PPP6R2: variants seen among roughly 807,000 people sequenced by gnomAD.
The protein encoded by PPP6R2 is serine/threonine-protein phosphatase 6 regulatory subunit 2.
Under a neutral mutation model 100.2 loss-of-function variants are expected in PPP6R2, and 62 were observed. The observed-to-expected ratio is 0.62, with a 90% CI of 0.50 to 0.76. PPP6R2 has a LOEUF of 0.76. PPP6R2 is among the 30% of genes least tolerant of loss of function. The probability of loss-of-function intolerance (pLI) is 0.00; values close to 1 mark genes in which losing one functional copy is unlikely to be tolerated. For synonymous variants in PPP6R2, 525 were observed against 514.7 expected (o/e 1.02, Z -0.27); for missense variants, 1,142 against 1,276.3 (o/e 0.89, Z 1.60).
chr22:50,412,692 A>AGTG (rs1314157242), intron 4 of PPP6R2, among the ~76,000 whole-genome samples: 1 of 112,298 alleles, frequency 8.9e-6, no homozygotes, highest in Non-Finnish European at 1.6e-5. Context: ...CCCAGGCTGG[A>AGTG]GTGCAGTGGC....
At position 50,444,277 on chromosome 22, in the gene PPP6R2, T is replaced by C. The variant is rs2066569899; in HGVS notation, c.*30T>C. 2.5e-6 allele frequency: 4 copies of C among 1,607,480 alleles called. No individual in the cohort carries two copies. Among genetic ancestry groups the C allele is most frequent in the Non-Finnish European group, 3.4e-6 (4 of 1,178,002 alleles). On this transcript the variant is annotated 3_prime_UTR_variant, in exon 24 of 24. Coordinates refer to ENST00000612753, the MANE Select transcript of PPP6R2 (RefSeq NM_001242898.2). The stretch of plus-strand genomic sequence containing the variant: ...GCTGCCGCCCGGCCACGGCCCACCC[T>C]GGTCAGGCTGCCTCCTTAATCGAGA...
intron 9 of PPP6R2, among the ~76,000 whole-genome samples, chr22:50,422,672 T>C (rs938200794): frequency 1.1e-4 from 17 of 152,110 alleles, no homozygotes; most frequent in African/African-American, 3.9e-4. Flanking sequence ...GGTGCTCGGC[T>C]CCTGAGAGGG....
chr22:50,405,327 GGCCTGGCAGGCGAGTGTGAA>G (rs879329624), intron 3 of PPP6R2, among the ~76,000 whole-genome samples: 5,705 of 142,776 alleles, frequency 0.04, 19 homozygotes, highest in East Asian at 0.074. Context: ...AGAGGTGAGA[GGCCTGGCAGGCGAGTGTGAA>G]GGCCTGGAGA....
intron 3 of PPP6R2, among the ~76,000 whole-genome samples, chr22:50,398,426 G>A (rs143078692): frequency 0.011 from 1,597 of 149,846 alleles, 13 homozygotes; most frequent in Non-Finnish European, 0.019. Context: ...ATCTGCCTCA[G>A]CCTCCCAAAG....
chr22:50,398,660 C>T (rs988695060), intron 3 of PPP6R2, among the ~76,000 whole-genome samples: 2 of 151,406 alleles, frequency 1.3e-5, no homozygotes, highest in African/African-American at 2.4e-5. Flanking sequence ...GGACTACAGG[C>T]GCACACCAGC....
intron 1 of PPP6R2, among the ~76,000 whole-genome samples, chr22:50,346,561 C>T (rs539856071): frequency 9.0e-4 from 114 of 127,178 alleles, no homozygotes; most frequent in Middle Eastern, 4.3e-3. Context: ...CCAGTCAGTG[C>T]TTCCTGCACC....
rs753010924 is a variant in PPP6R2, at chr22:50,439,702, C to T, written c.2130C>T (p.Gly710=). 15 of 1,585,300 alleles carry T rather than the reference C, an allele frequency of 9.5e-6. No individual in the cohort carries two copies. The highest frequency in any genetic ancestry group is 1.1e-5 in the South Asian group (1 of 87,424). The change falls in exon 20 of 24, where the codon GGC becomes GGT. Residue 710 remains glycine (G), a splice_region_variant and synonymous_variant. Coordinates refer to ENST00000612753, the MANE Select transcript of PPP6R2 (RefSeq NM_001242898.2). ...ACCACTGTGTCTCTCCCCCAGCAGG[C>T]GCCATGTGGACGGCAGTGTTTGATG... ...EAPPVEGDSE[G]AMWTAVFDEP... is the part of the protein sequence containing the mutation.
chr22:50,342,947 C>G (rs1205125660), upstream of PPP6R2, among the ~76,000 whole-genome samples: 1 of 152,090 alleles, frequency 6.6e-6, no homozygotes, highest in Non-Finnish European at 1.5e-5. Flanking sequence ...GAGGGAGGCC[C>G]GGGAGAACAG....
upstream of PPP6R2, among the ~76,000 whole-genome samples, chr22:50,339,115 A>C (rs554136317): frequency 1.2e-5 from 1 of 80,036 alleles, no homozygotes; most frequent in Non-Finnish European, 2.4e-5. Flanking sequence ...TGTGGTATGT[A>C]GTGTGTGTTA....
intron 1 of PPP6R2, among the ~76,000 whole-genome samples, chr22:50,363,970 C>T (rs969430795): frequency 6.6e-6 from 1 of 151,696 alleles, no homozygotes; most frequent in African/African-American, 2.4e-5. Context: ...TCTCGGCCCA[C>T]TGCAACCTTT....
chr22:50,430,430 C>T (rs2062916755), intron 10 of PPP6R2, among the ~76,000 whole-genome samples: 2 of 152,242 alleles, frequency 1.3e-5, no homozygotes, highest in South Asian at 4.1e-4. Context: ...CATAAAGGAA[C>T]TTCTCACATA....
rs1327209554 is a variant in PPP6R2 at position 50,443,849 on chromosome 22, CCAT to C, written c.2580-16_2580-14del. ...GGGTGGGGGTGCCCGTAACCGGAGT[CCAT>C]GTTTGCCACACAGGGTCGGGTGTGC... is the stretch of plus-strand genomic sequence containing the variant. On this transcript the variant is annotated splice_polypyrimidine_tract_variant and intron_variant, in intron 22 of 23. Coordinates refer to ENST00000612753, the MANE Select transcript of PPP6R2 (RefSeq NM_001242898.2). 3.2e-6 allele frequency: 5 copies of C among 1,561,436 alleles called. No individual in the cohort carries two copies. The African/African-American group carries it at 6.8e-5, about 21-fold the overall frequency.
At chr22:50,334,944 C>T in the PPP6R2 span, among the ~76,000 whole-genome samples, 1 of 152,016 alleles carries the variant, frequency 6.6e-6, no homozygotes, top group Admixed American at 6.6e-5. Context: ...GAGTGAGACT[C>T]TGTGTCAAAA....
chr22:50,436,603 G>A (rs180932529), intron 14 of PPP6R2, 151 bp downstream of exon 14: 601 of 766,854 alleles, frequency 7.8e-4, no homozygotes, highest in Middle Eastern at 7.5e-3. Context: ...CCTGCATAGT[G>A]TGTCCTCCGG....
intron 1 of PPP6R2, among the ~76,000 whole-genome samples, chr22:50,370,351 G>C (rs1394234204): frequency 6.6e-6 from 1 of 152,078 alleles, no homozygotes; most frequent in Non-Finnish European, 1.5e-5. Flanking sequence ...GCAATGGCGC[G>C]ATCTCGGCTC....
intron 12 of PPP6R2, among the ~76,000 whole-genome samples, chr22:50,432,582 C>G (rs575874768): frequency 5.4e-4 from 83 of 152,364 alleles, no homozygotes; most frequent in African/African-American, 1.9e-3. Context: ...GGCACCTGCT[C>G]TGGCCCCCGC....
rs2066488643 is a variant in PPP6R2, at chr22:50,444,015, C to T, written c.2729C>T (p.Ala910Val). 1 of 1,613,518 alleles carries T rather than the reference C, an allele frequency of 6.2e-7. No homozygotes were observed. Among genetic ancestry groups the T allele is most frequent in the South Asian group, 1.1e-5 (1 of 91,082 alleles). ...SKAGPAIPTP[A>V]VSSALAVAVP... ...GCTGGCCCCGCCATACCCACCCCAG[C>T]AGTCTCTTCTGCACTGGCCGTGGCG... is the stretch of plus-strand genomic sequence containing the variant. The change falls in exon 23 of 24, where the codon GCA becomes GTA. Residue 910 changes from alanine to valine, a missense_variant. Transcript: ENST00000612753.
At chr22:50,408,715 C>CT (rs1265657262) in intron 4 of PPP6R2, among the ~76,000 whole-genome samples, 1 of 152,210 alleles carries the variant, frequency 6.6e-6, no homozygotes. Flanking sequence ...TCCCCTGCCA[C>CT]TTTCGGATAT....
At chr22:50,377,012 G>A (rs561828815) in intron 2 of PPP6R2, among the ~76,000 whole-genome samples, 145 of 152,172 alleles carry the variant, frequency 9.5e-4, no homozygotes, top group African/African-American at 3.0e-3. Context: ...GGGCAACAGA[G>A]CGAGACTCCG....
Sources: allele counts gnomAD v4.1 joint callset (sites outside exome capture counted in the v4.1 genomes callset), GRCh38; gene constraint gnomAD v4.1.1; transcripts MANE v1.5; gene names NCBI Gene and HGNC (gene_info 2026-07-23, HGNC 2026-07-21).